The following KIAA1755 variants were observed in gnomAD, a reference collection of about 807,000 sequenced individuals.
The protein encoded by KIAA1755 is uncharacterized protein KIAA1755.
In KIAA1755, 68 loss-of-function variants were observed where a neutral mutation model predicts 91.7. That is an observed-to-expected ratio of 0.74 (90% CI 0.61 to 0.91). KIAA1755 has a LOEUF of 0.91. Ranked by LOEUF, KIAA1755 falls within the 40% of genes least tolerant of loss-of-function variation. KIAA1755 has a pLI of 0.00. For missense variants in KIAA1755, 1,535 were observed against 1,494.4 expected (o/e 1.03, Z -0.45); for synonymous variants, 610 against 604.6 (o/e 1.01, Z -0.13).
At chr20:38,258,575 G>A (rs1245753682) in intron 1 of KIAA1755, among the ~76,000 whole-genome samples, 1 of 152,214 alleles carries the variant, frequency 6.6e-6, no homozygotes, top group East Asian at 1.9e-4. Flanking sequence ...AAGAGTCAGG[G>A]AAATCAGGGA....
chr20:38,248,219 A>G (rs1423421353), intron 1 of KIAA1755, among the ~76,000 whole-genome samples: 2 of 152,198 alleles, frequency 1.3e-5, no homozygotes, highest in Non-Finnish European at 2.9e-5. Flanking sequence ...ACAGAGCAAT[A>G]ATAAATAAAA....
intron 1 of KIAA1755, among the ~76,000 whole-genome samples, chr20:38,258,100 C>T (rs978534294): frequency 6.6e-6 from 1 of 152,066 alleles, no homozygotes; most frequent in African/African-American, 2.4e-5. Flanking sequence ...GGGGTTTCAC[C>T]ATGTTGGCCA....
intron 1 of KIAA1755, among the ~76,000 whole-genome samples, chr20:38,252,779 A>ATGT (rs1227306109): frequency 6.6e-6 from 1 of 152,224 alleles, no homozygotes; most frequent in Non-Finnish European, 1.5e-5. Context: ...AAAAGGAAGT[A>ATGT]TGTTCCGAGT....
intron 1 of KIAA1755, 94 bp downstream of exon 1, chr20:38,260,404 G>T: frequency 6.3e-7 from 1 of 1,597,640 alleles, no homozygotes; most frequent in Non-Finnish European, 8.5e-7. Flanking sequence ...AGTGTAAAAG[G>T]CCAGGGCCAC....
At chr20:38,239,505 C>T (rs1224148385) in intron 4 of KIAA1755, 23 bp downstream of exon 4, 4 of 1,611,510 alleles carry the variant, frequency 2.5e-6, no homozygotes, top group Non-Finnish European at 3.4e-6. Context: ...TCCCTACCAC[C>T]TCCTGCTTGA....
At chr20:38,214,736 T>C (rs2075514950) in intron 13 of KIAA1755, among the ~76,000 whole-genome samples, 1 of 152,234 alleles carries the variant, frequency 6.6e-6, no homozygotes, top group Admixed American at 6.5e-5. Context: ...CTGCCTCATT[T>C]TGTGATTCTG....
chr20:38,256,209 G>A (rs2076336589), intron 1 of KIAA1755, among the ~76,000 whole-genome samples: 1 of 152,086 alleles, frequency 6.6e-6, no homozygotes, highest in African/African-American at 2.4e-5. Context: ...ATCATAGTGG[G>A]CTTCCTAACA....
rs778172842 is a variant in KIAA1755, at chr20:38,223,599, GA to G, written c.2206del (p.Ser736LeufsTer27). On this transcript the variant is annotated frameshift_variant, in exon 9 of 14. Transcript: ENST00000279024. LOFTEE classifies it high-confidence loss of function. ...CTCGATGGAAGCTTGTAGCAGGGAA[GA>G]GGCCTGGTGGAGGTCAGCAAGGAAA... Reference protein sequence around the residue: ...DPFLADLHQASSLLQASIEEF... With the variant: ...DPFLADLHQAXSLLQASIEEF... The G allele has an allele frequency of 1.2e-5, 20 of 1,604,182 alleles. 1 individual carries two copies. The Admixed American group carries it at 3.1e-4, about 25-fold the overall frequency.
In KIAA1755 at chr20:38,231,308, C is replaced by G. The variant is rs375117209; in HGVS notation, c.1765G>C (p.Gly589Arg). ...ACLPGGRDRAGRPLLLVSTTE... is the reference protein window; with the variant it reads ...ACLPGGRDRARRPLLLVSTTE... ...GTTGACACCAGAAGCAGGGGCCGCC[C>G]GGCCCTGTCCCGGCCACCTGGAGGA... is the stretch of plus-strand genomic sequence containing the variant. Residue 589 changes from glycine to arginine, a missense_variant, in exon 5 of 14, where the codon GGG (glycine) becomes CGG (arginine). By Grantham distance (125) the Gly-to-Arg change is moderately radical. Transcript: ENST00000279024. 1 of 1,610,218 alleles carries G rather than the reference C, an allele frequency of 6.2e-7. No individual in the cohort carries two copies. Among genetic ancestry groups the G allele is most frequent in the Non-Finnish European group, 8.5e-7 (1 of 1,178,992 alleles).
chr20:38,221,948 C>G (rs571678507), intron 10 of KIAA1755, among the ~76,000 whole-genome samples: 1 of 152,162 alleles, frequency 6.6e-6, no homozygotes. Flanking sequence ...AGCAGCCTAC[C>G]GGGAAAGGCA....
At position 38,241,789 on chromosome 20, in the gene KIAA1755, C is replaced by T. The variant is rs1372310112; in HGVS notation, c.342G>A (p.Glu114=). ...DFYLQVEPQE[E]QSVCIMIKCL... Reference sequence around the variant, plus strand: ...ATTTGATCATGATGCAGACAGACTGCTCCTCCTGGGGCTCCACTTGGAGGT... The same window carrying T: ...ATTTGATCATGATGCAGACAGACTGTTCCTCCTGGGGCTCCACTTGGAGGT... Residue 114 remains glutamate, a synonymous_variant, in exon 3 of 14, where the codon GAG becomes GAA. Coordinates refer to ENST00000279024, the MANE Select transcript of KIAA1755 (RefSeq NM_001029864.2). 2 of 1,614,198 alleles carry T rather than the reference C, an allele frequency of 1.2e-6. No homozygotes were observed. Among genetic ancestry groups the T allele is most frequent in the Non-Finnish European group, 8.5e-7 (1 of 1,180,028 alleles).
At chr20:38,254,862 C>T (rs541772277) in intron 1 of KIAA1755, among the ~76,000 whole-genome samples, 1 of 151,820 alleles carries the variant, frequency 6.6e-6, no homozygotes, top group African/African-American at 2.4e-5. Flanking sequence ...AGTTAATCCT[C>T]AGTTGGTGAG....
chr20:38,220,212 G>A (rs920603073), intron 10 of KIAA1755, among the ~76,000 whole-genome samples: 14 of 151,738 alleles, frequency 9.2e-5, no homozygotes, highest in Non-Finnish European at 1.9e-4. Context: ...ATTATAACCT[G>A]CCCTGGGAGC....
chr20:38,219,566 G>C (rs931485585), intron 11 of KIAA1755, 64 bp downstream of exon 11: 31 of 1,593,564 alleles, frequency 1.9e-5, no homozygotes, highest in Non-Finnish European at 2.6e-5. Flanking sequence ...GCCCAGAGTC[G>C]GGGCTTTCCT....
At chr20:38,255,841 C>T (rs982473984) in intron 1 of KIAA1755, among the ~76,000 whole-genome samples, 9 of 152,090 alleles carry the variant, frequency 5.9e-5, no homozygotes, top group Non-Finnish European at 4.4e-5. Flanking sequence ...ATGACCTCGA[C>T]CCCCTGCCCC....
At chr20:38,226,484 T>C (rs569401902) in intron 7 of KIAA1755, among the ~76,000 whole-genome samples, 121 of 152,180 alleles carry the variant, frequency 8.0e-4, no homozygotes, top group Admixed American at 5.4e-3. Flanking sequence ...TGCACATTAA[T>C]GTATTTCCCC....
intron 1 of KIAA1755, among the ~76,000 whole-genome samples, chr20:38,246,706 C>T (rs554987114): frequency 3.3e-5 from 5 of 152,310 alleles, no homozygotes; most frequent in African/African-American, 1.2e-4. Flanking sequence ...GCAGACTGTA[C>T]AGCCAGCTGC....
At chr20:38,251,992 T>G (rs1011357616) in intron 1 of KIAA1755, among the ~76,000 whole-genome samples, 3 of 152,094 alleles carry the variant, frequency 2.0e-5, no homozygotes, top group Non-Finnish European at 4.4e-5. Flanking sequence ...ACAAAAGAGC[T>G]CCATACTCCA....
chr20:38,235,316 G>C (rs867577129), intron 4 of KIAA1755, among the ~76,000 whole-genome samples: 1 of 152,028 alleles, frequency 6.6e-6, no homozygotes, highest in African/African-American at 2.4e-5. Flanking sequence ...CTCTCCTAAG[G>C]CTTCGTGCCT....
Sources: allele counts gnomAD v4.1 joint callset (sites outside exome capture counted in the v4.1 genomes callset), GRCh38; gene constraint gnomAD v4.1.1; transcripts MANE v1.5; gene names NCBI Gene and HGNC (gene_info 2026-07-23, HGNC 2026-07-21).